The following ERGIC1 variants were observed in gnomAD, a reference collection of about 807,000 sequenced individuals.
ERGIC1 encodes the protein endoplasmic reticulum-golgi intermediate compartment 1, also known as endoplasmic reticulum-Golgi intermediate compartment protein 1.
ERGIC1 carries 19 observed loss-of-function variants against 38.3 expected under a neutral mutation model. That is an observed-to-expected ratio of 0.50 (90% CI 0.35 to 0.73). The LOEUF is 0.73. Among genes scored for constraint, ERGIC1 ranks in the 30% least tolerant of loss-of-function variants. The pLI, the probability that ERGIC1 is intolerant of heterozygous loss-of-function variation, is 0.01. For missense variants in ERGIC1, 294 were observed against 389.2 expected (o/e 0.76, Z 2.06); for synonymous variants, 124 against 157.6 (o/e 0.79, Z 1.60).
At chr5:172,920,376 C>T in intron 5 of ERGIC1, 1 of 717,966 alleles carries the variant, frequency 1.4e-6, no homozygotes, top group South Asian at 1.5e-5. Flanking sequence ...AGTTGACCAG[C>T]AGCCAGATGT....
At position 172,892,358 on chromosome 5, in the gene ERGIC1, A is replaced by G. The variant is rs189165921; in HGVS notation, c.82+3598A>G. On this transcript the variant is annotated intron_variant, in intron 2 of 9. Transcript: ENST00000393784. ...CTGGGCAGGGCGGGCTGACTTGGAC[A>G]CACACCATTTCATTACTTTGTGATG... 2.1e-3 allele frequency among the ~76,000 whole-genome samples: 325 copies of G among 152,326 alleles called. 1 individual carries two copies. Among genetic ancestry groups the G allele is most frequent in the Non-Finnish European group, 3.6e-3 (244 of 68,038 alleles).
At chr5:172,847,583 G>A (rs762829015) in intron 1 of ERGIC1, among the ~76,000 whole-genome samples, 2 of 152,000 alleles carry the variant, frequency 1.3e-5, no homozygotes, top group Non-Finnish European at 2.9e-5. Flanking sequence ...GCATGATCTC[G>A]GCTCACTGCA....
At chr5:172,874,580 T>C (rs577923716) in intron 1 of ERGIC1, among the ~76,000 whole-genome samples, 1 of 152,226 alleles carries the variant, frequency 6.6e-6, no homozygotes, top group Admixed American at 6.5e-5. Flanking sequence ...AGTCAGGCAG[T>C]GAGCAGATAC....
chr5:172,908,531 G>A (rs1032162179), intron 3 of ERGIC1, among the ~76,000 whole-genome samples: 7 of 151,020 alleles, frequency 4.6e-5, no homozygotes, highest in South Asian at 4.2e-4. Context: ...AGCCGAGATC[G>A]CGCCACTGCA....
At chr5:172,870,828 G>A (rs1198219609) in intron 1 of ERGIC1, among the ~76,000 whole-genome samples, 1 of 152,182 alleles carries the variant, frequency 6.6e-6, no homozygotes, top group African/African-American at 2.4e-5. Flanking sequence ...AGGAAGCCAA[G>A]TGGCTCCCCG....
chr5:172,946,981 C>T (rs1407875312), intron 9 of ERGIC1, among the ~76,000 whole-genome samples: 2 of 151,428 alleles, frequency 1.3e-5, no homozygotes, highest in Non-Finnish European at 2.9e-5. Context: ...GTCAGGGGTT[C>T]GAGACTATCC....
At chr5:172,932,360 T>C (rs1763796556) in intron 7 of ERGIC1, 76 bp from the exon 8 acceptor site, 1 of 1,486,988 alleles carries the variant, frequency 6.7e-7, no homozygotes, top group Admixed American at 1.8e-5. Context: ...AATTTAGGCT[T>C]AGGATTGAAA....
chr5:172,871,318 C>T (rs1471823989), intron 1 of ERGIC1, among the ~76,000 whole-genome samples: 2 of 152,184 alleles, frequency 1.3e-5, no homozygotes, highest in African/African-American at 4.8e-5. Flanking sequence ...CAGATACGCT[C>T]CCTGCCTCGA....
chr5:172,905,473 C>A (rs774857727), intron 3 of ERGIC1: 4 of 464,678 alleles, frequency 8.6e-6, no homozygotes, highest in East Asian at 6.9e-5. Context: ...TTGGGCCATG[C>A]GGTGAGTGTT....
Position 172,834,352 on chromosome 5 carries a change from C to T in ERGIC1, c.-62C>T. ...CCGGAGGAGGCGTTGGCAGCGGGCT[C>T]GGACCCACGCGGCGCCGCGGCCCGC... is the stretch of plus-strand genomic sequence containing the variant. On this transcript the variant is annotated 5_prime_UTR_variant, in exon 1 of 10. Transcript: ENST00000393784. This position sits in a 1 kb window ranked among gnomAD's most constrained non-coding sequence, Gnocchi z 4.1. 1.6e-6 allele frequency: 2 copies of T among 1,239,972 alleles called. No individual in the cohort carries two copies. Among genetic ancestry groups the T allele is most frequent in the Non-Finnish European group, 2.0e-6 (2 of 991,622 alleles). 76.8% of individuals were successfully genotyped at this position (1,239,972 alleles called of 1,614,324 possible).
intron 7 of ERGIC1, among the ~76,000 whole-genome samples, chr5:172,928,507 C>G (rs1443386283): frequency 6.6e-6 from 1 of 152,212 alleles, no homozygotes; most frequent in Admixed American, 6.5e-5. Flanking sequence ...ACCCTCACTC[C>G]TAAGGACAAA....
chr5:172,878,771 T>C (rs548668980), intron 1 of ERGIC1, among the ~76,000 whole-genome samples: 77 of 152,218 alleles, frequency 5.1e-4, no homozygotes, highest in African/African-American at 1.7e-3. Context: ...GGCTCTGGTG[T>C]GTTCATTTGC....
chr5:172,841,955 T>A (rs1761172180), intron 1 of ERGIC1, among the ~76,000 whole-genome samples: 1 of 152,232 alleles, frequency 6.6e-6, no homozygotes, highest in African/African-American at 2.4e-5. Flanking sequence ...ACAGGACAGC[T>A]CCATCTCTAT....
At chr5:172,851,624 T>G (rs1161900731) in intron 1 of ERGIC1, among the ~76,000 whole-genome samples, 2 of 152,120 alleles carry the variant, frequency 1.3e-5, no homozygotes, top group Non-Finnish European at 2.9e-5. Context: ...GCGGGAGATG[T>G]GAGAGCCAGG....
chr5:172,859,244 G>C (rs1761635395), intron 1 of ERGIC1, among the ~76,000 whole-genome samples: 1 of 152,056 alleles, frequency 6.6e-6, no homozygotes, highest in African/African-American at 2.4e-5. Context: ...TGGTTCCCAA[G>C]AGGGGACCAG....
chr5:172,947,950 C>G (rs933626953), intron 9 of ERGIC1, among the ~76,000 whole-genome samples: 3 of 151,750 alleles, frequency 2.0e-5, no homozygotes, highest in African/African-American at 7.3e-5. Context: ...ACGTAAGTCA[C>G]ATTTTCCTAT....
intron 3 of ERGIC1, among the ~76,000 whole-genome samples, chr5:172,909,168 C>CTTTTT (rs70984920): frequency 2.5e-5 from 2 of 80,840 alleles, no homozygotes; most frequent in Non-Finnish European, 4.7e-5. Flanking sequence ...GCCCTCCCCT[C>CTTTTT]TTTTTTTTTT....
chr5:172,909,557 C>G (rs922931424), intron 3 of ERGIC1, 110 bp from the exon 4 acceptor site: 3 of 970,880 alleles, frequency 3.1e-6, no homozygotes, highest in Non-Finnish European at 4.9e-6. Flanking sequence ...CAGGTGGAGT[C>G]TGGGTTATCT....
intron 9 of ERGIC1, among the ~76,000 whole-genome samples, chr5:172,940,352 A>G (rs1763982700): frequency 6.6e-6 from 1 of 152,174 alleles, no homozygotes; most frequent in Admixed American, 6.5e-5. Context: ...ATATTAGAAC[A>G]TTCCAGCGCC....
Sources: allele counts gnomAD v4.1 joint callset (sites outside exome capture counted in the v4.1 genomes callset), GRCh38; gene constraint gnomAD v4.1.1; non-coding constraint Gnocchi (gnomAD v3.1); transcripts MANE v1.5; gene names NCBI Gene and HGNC (gene_info 2026-07-23, HGNC 2026-07-21).